The following UGT2B4 variants were observed in gnomAD, a reference collection of about 807,000 sequenced individuals.
The protein encoded by UGT2B4 is UDP-glucuronosyltransferase 2B4.
A neutral mutation model predicts 49.8 loss-of-function variants in UGT2B4; 49 were observed. That is an observed-to-expected ratio of 0.98 (90% CI 0.78 to 1.25). The LOEUF is 1.25. Ranked by LOEUF, UGT2B4 falls within the 50% of genes most tolerant of loss-of-function variation. UGT2B4 has a pLI of 0.00. For missense variants in UGT2B4, 729 were observed against 627.7 expected (o/e 1.16, Z -1.73); for synonymous variants, 246 against 217.7 (o/e 1.13, Z -1.14).
rs79223451 is a variant in UGT2B4 at position 69,514,973 on chromosome 4, T to C, written c.-106+10714A>G. 8.3e-4 allele frequency among the ~76,000 whole-genome samples: 126 copies of C among 152,288 alleles called. 1 individual carries two copies. The East Asian group carries it at 0.024, about 29-fold the overall frequency. Reference sequence around the variant, plus strand: ...GGGTTTAATTCAACAAGAAGATCTATCTATCCTAAGTACATATGCATCCAA... The same window carrying C: ...GGGTTTAATTCAACAAGAAGATCTACCTATCCTAAGTACATATGCATCCAA... On this transcript the variant is annotated intron_variant, in intron 1 of 1. Coordinates refer to the UGT2B4 transcript ENST00000510114.
intron 1 of UGT2B4, among the ~76,000 whole-genome samples, chr4:69,513,551 T>C (rs944248693): frequency 2.6e-5 from 4 of 152,140 alleles, no homozygotes; most frequent in Non-Finnish European, 5.9e-5. Context: ...TGGTTAAGAT[T>C]GCCTTGGTCT....
intron 1 of UGT2B4, among the ~76,000 whole-genome samples, chr4:69,520,917 T>G (rs1024776242): frequency 6.6e-6 from 1 of 152,132 alleles, no homozygotes; most frequent in Non-Finnish European, 1.5e-5. Flanking sequence ...GATATGTCAG[T>G]TGAAGATGAA....
chr4:69,510,982 C>CTTTTTT (rs1259714505), intron 1 of UGT2B4, among the ~76,000 whole-genome samples: 1,323 of 110,522 alleles, frequency 0.012, 25 homozygotes, highest in Non-Finnish European at 0.018. Context: ...TCTTTCTTTT[C>CTTTTTT]TTTTCTTCTT....
At position 69,495,410 on chromosome 4, in the gene UGT2B4, T is replaced by A; in HGVS notation, c.452A>T (p.Asp151Val). The change falls in exon 1 of 6, where the codon GAT (aspartate) becomes GTT (valine). Residue 151 changes from aspartate to valine, a missense_variant. Asp to Val is a radical substitution (Grantham distance 152, BLOSUM62 -3). Transcript: ENST00000305107. ...CAGCTCACCAAAGGGGAAAACAGCA[T>A]CTGCAAGAACAACATCAAATCTTGA... ...QESRFDVVLA[D>V]AVFPFGELLA... 2 of 1,613,992 alleles carry A rather than the reference T, an allele frequency of 1.2e-6. No homozygotes were observed. The highest frequency in any genetic ancestry group is 8.5e-7 in the Non-Finnish European group (1 of 1,179,962).
intron 1 of UGT2B4, among the ~76,000 whole-genome samples, chr4:69,510,213 T>C (rs1728573105): frequency 6.6e-6 from 1 of 152,134 alleles, no homozygotes; most frequent in African/African-American, 2.4e-5. Context: ...GGTCTATATA[T>C]CTGTCTTAAT....
intron 1 of UGT2B4, among the ~76,000 whole-genome samples, chr4:69,506,060 G>A (rs1330095975): frequency 6.6e-5 from 10 of 152,014 alleles, no homozygotes; most frequent in African/African-American, 2.2e-4. Flanking sequence ...AAAATCTCTA[G>A]GATAAACCCA....
chr4:69,500,522 AAG>A (rs750189629), upstream of UGT2B4, among the ~76,000 whole-genome samples: 5 of 151,260 alleles, frequency 3.3e-5, no homozygotes, highest in South Asian at 2.1e-4. Context: ...GAAGGAAAGA[AAG>A]AAAGAAAGAA....
intron 1 of UGT2B4, among the ~76,000 whole-genome samples, chr4:69,504,553 G>T (rs532328624): frequency 6.6e-6 from 1 of 152,154 alleles, no homozygotes; most frequent in East Asian, 1.9e-4. Context: ...AATAGAAAAA[G>T]AAAGAATGAA....
chr4:69,488,156 T>A (rs901447673), intron 3 of UGT2B4, among the ~76,000 whole-genome samples: 3 of 152,210 alleles, frequency 2.0e-5, no homozygotes, highest in Admixed American at 6.5e-5. Flanking sequence ...TTCAGAGTAT[T>A]CTCAGTATTG....
chr4:69,499,159 G>C (rs1409602840), upstream of UGT2B4, among the ~76,000 whole-genome samples: 1 of 152,158 alleles, frequency 6.6e-6, no homozygotes, highest in Admixed American at 6.5e-5. Context: ...CAATTTCCCT[G>C]TAGTTGTGGG....
chr4:69,520,358 A>G (rs1359062525), intron 1 of UGT2B4, among the ~76,000 whole-genome samples: 2 of 152,226 alleles, frequency 1.3e-5, no homozygotes, highest in Non-Finnish European at 1.5e-5. Context: ...CTGAGGCTGC[A>G]TGCTCCACGG....
chr4:69,525,676 A>T, intron 1 of UGT2B4: 1 of 1,273,246 alleles, frequency 7.9e-7, no homozygotes, highest in Non-Finnish European at 1.0e-6. Flanking sequence ...TGCACAATTT[A>T]TAGCACTTAC....
At chr4:69,507,894 A>T (rs1383448079) in intron 1 of UGT2B4, among the ~76,000 whole-genome samples, 7 of 152,242 alleles carry the variant, frequency 4.6e-5, no homozygotes, top group Non-Finnish European at 7.3e-5. Flanking sequence ...TGCACAGCAA[A>T]AGAAAATATC....
In UGT2B4 at chr4:69,480,586, T is replaced by C. The variant is rs781751752; in HGVS notation, c.*48A>G. 1.3e-6 allele frequency: 2 copies of C among 1,589,872 alleles called. No homozygotes were observed. On this transcript the variant is annotated 3_prime_UTR_variant, in exon 6 of 6. Transcript: ENST00000305107. ...ACAACGTCTTCTTGTTGTAATAAAC[T>C]AAAGGAGTTCATTTATTGGGTTTCC... is the stretch of plus-strand genomic sequence containing the variant.
At chr4:69,504,177 A>G (rs1055544006) in intron 1 of UGT2B4, among the ~76,000 whole-genome samples, 1 of 152,214 alleles carries the variant, frequency 6.6e-6, no homozygotes, top group African/African-American at 2.4e-5. Flanking sequence ...CCCTCATCCA[A>G]TGACCACATC....
In UGT2B4 at chr4:69,495,240, T is replaced by G. The variant is rs757499911; in HGVS notation, c.622A>C (p.Ile208Leu). Residue 208 changes from isoleucine (I) to leucine (L), a missense_variant, in exon 1 of 6, where the codon ATA becomes CTA. Physicochemically the swap from Ile to Leu is conservative, Grantham distance 5. Coordinates refer to ENST00000305107, the MANE Select transcript of UGT2B4 (RefSeq NM_021139.3). Reference sequence around the variant, plus strand: ...TAGATCATATTTTTTACCCTCTCTATGAAAGTCATTTGGTCACTTAGTTCT... The same window carrying G: ...TAGATCATATTTTTTACCCTCTCTAGGAAAGTCATTTGGTCACTTAGTTCT... ...MSELSDQMTFIERVKNMIYVL... is the reference protein window; with the variant it reads ...MSELSDQMTFLERVKNMIYVL... 2 of 1,611,660 alleles carry G rather than the reference T, an allele frequency of 1.2e-6. No homozygotes were observed. Among genetic ancestry groups the G allele is most frequent in the African/African-American group, 2.7e-5 (2 of 74,784 alleles).
At chr4:69,508,563 T>C (rs1288685794) in intron 1 of UGT2B4, among the ~76,000 whole-genome samples, 1 of 152,052 alleles carries the variant, frequency 6.6e-6, no homozygotes, top group African/African-American at 2.4e-5. Flanking sequence ...GGGACATGGA[T>C]GGAGTTGGAT....
chr4:69,502,125 C>CTTTCTTTCTT (rs1728347780), intron 1 of UGT2B4, among the ~76,000 whole-genome samples: 1 of 131,348 alleles, frequency 7.6e-6, no homozygotes, highest in Admixed American at 7.9e-5. Context: ...TTCTTTCTTT[C>CTTTCTTTCTT]TTTCTTTCTT....
Position 69,480,550 on chromosome 4 carries a change from T to C in UGT2B4, c.*84A>G. 1 of 1,512,440 alleles carries C rather than the reference T, an allele frequency of 6.6e-7. No homozygotes were observed. Among genetic ancestry groups the C allele is most frequent in the East Asian group, 2.3e-5 (1 of 43,952 alleles). 93.7% of individuals were successfully genotyped at this position (1,512,440 alleles called of 1,614,324 possible). ...ATGTTTTGTCACAAGAAGAAAGGAA[T>C]CTCTTGTATCACAACGTCTTCTTGT... On this transcript the variant is annotated 3_prime_UTR_variant, in exon 6 of 6. Transcript: ENST00000305107.
Sources: gnomAD v4.1 joint callset for allele counts (sites outside exome capture counted in the v4.1 genomes callset) on GRCh38, gnomAD v4.1.1 for gene constraint, MANE v1.5 for transcripts, NCBI Gene and HGNC (gene_info 2026-07-23, HGNC 2026-07-21) for gene names.